The following RIMS2 variants were observed in gnomAD, a reference collection of about 807,000 sequenced individuals.
RIMS2 encodes the protein regulating synaptic membrane exocytosis protein 2.
In RIMS2, 59 loss-of-function variants were observed where a neutral mutation model predicts 174.4. The observed-to-expected ratio is 0.34, with a 90% CI of 0.27 to 0.42. The LOEUF is 0.42. Among genes scored for constraint, RIMS2 ranks in the 10% least tolerant of loss-of-function variants. The pLI is 1.00. For synonymous variants in RIMS2, 606 were observed against 572.5 expected, an observed-to-expected ratio of 1.06 and a Z score of -0.84; for missense variants, 1,620 against 1,666.3, an observed-to-expected ratio of 0.97 and a Z score of 0.48.
chr8:103,816,506 A>G (rs150212964), intron 3 of RIMS2, among the ~76,000 whole-genome samples: 44 of 152,340 alleles, frequency 2.9e-4, no homozygotes, highest in African/African-American at 9.9e-4. Flanking sequence ...TCAAGTAAAT[A>G]TATGGTCACA....
chr8:104,020,638 T>C (rs2096063671), intron 19 of RIMS2, among the ~76,000 whole-genome samples: 1 of 152,040 alleles, frequency 6.6e-6, no homozygotes, highest in Non-Finnish European at 1.5e-5. Context: ...GTGGTCATGT[T>C]ATACATTTAC....
intron 15 of RIMS2, among the ~76,000 whole-genome samples, chr8:103,973,975 A>G (rs2093176816): frequency 6.6e-6 from 1 of 152,166 alleles, no homozygotes; most frequent in Non-Finnish European, 1.5e-5. Context: ...CTGACTCTCC[A>G]CTGGCAGTCT....
At chr8:104,190,734 A>G (rs1189264026) in intron 19 of RIMS2, among the ~76,000 whole-genome samples, 2 of 152,070 alleles carry the variant, frequency 1.3e-5, no homozygotes, top group Admixed American at 6.6e-5. Flanking sequence ...TTGGCAGCCT[A>G]TGAGCATATT....
intron 19 of RIMS2, among the ~76,000 whole-genome samples, chr8:104,062,088 G>A (rs1276408912): frequency 6.6e-6 from 1 of 152,028 alleles, no homozygotes; most frequent in Non-Finnish European, 1.5e-5. Context: ...ACAATTTTTA[G>A]ATATTGAAAG....
At chr8:103,573,307 A>T (rs1344891278) in intron 1 of RIMS2, among the ~76,000 whole-genome samples, 1 of 151,554 alleles carries the variant, frequency 6.6e-6, no homozygotes, top group African/African-American at 2.4e-5. Context: ...CAAGTGATCC[A>T]CCTGTATCAG....
At chr8:104,175,720 G>T (rs1230390880) in intron 19 of RIMS2, among the ~76,000 whole-genome samples, 1 of 152,086 alleles carries the variant, frequency 6.6e-6, no homozygotes, top group Non-Finnish European at 1.5e-5. Context: ...GAAAGAACAA[G>T]TAAAGAAAAG....
At chr8:103,503,337 A>G (rs929364672) in intron 1 of RIMS2, among the ~76,000 whole-genome samples, 10 of 151,932 alleles carry the variant, frequency 6.6e-5, no homozygotes, top group African/African-American at 2.4e-4. Context: ...TGAAATGAAT[A>G]GACTTTATAA....
chr8:103,898,581 C>G (rs745653510), intron 4 of RIMS2, among the ~76,000 whole-genome samples: 2 of 151,320 alleles, frequency 1.3e-5, no homozygotes, highest in Non-Finnish European at 2.9e-5. Context: ...AGAGGGCAGA[C>G]TGTTGAATTA....
chr8:103,989,721 G>A (rs1278568255), intron 17 of RIMS2, among the ~76,000 whole-genome samples: 1 of 152,098 alleles, frequency 6.6e-6, no homozygotes, highest in Non-Finnish European at 1.5e-5. Context: ...TAATTATAGT[G>A]AAACCAAGAT....
At chr8:104,096,325 A>G (rs2097762022) in intron 19 of RIMS2, among the ~76,000 whole-genome samples, 3 of 152,224 alleles carry the variant, frequency 2.0e-5, no homozygotes, top group Admixed American at 2.0e-4. Context: ...GATTCAGAGA[A>G]GACTATAACC....
At chr8:103,717,749 A>G (rs931644174) in intron 2 of RIMS2, among the ~76,000 whole-genome samples, 2 of 152,332 alleles carry the variant, frequency 1.3e-5, no homozygotes, top group South Asian at 2.1e-4. Context: ...GATTTGGGAC[A>G]TTGCAAATAA....
intron 19 of RIMS2, among the ~76,000 whole-genome samples, chr8:104,064,453 T>A (rs1385684675): frequency 6.6e-6 from 1 of 152,050 alleles, no homozygotes; most frequent in Non-Finnish European, 1.5e-5. Flanking sequence ...AGAATAAAGG[T>A]CTTGTGTAAT....
chr8:103,646,198 G>A (rs1344398186), intron 1 of RIMS2, among the ~76,000 whole-genome samples: 2 of 152,088 alleles, frequency 1.3e-5, no homozygotes, highest in African/African-American at 2.4e-5. Flanking sequence ...GCAGGAACTG[G>A]CCATCTGGAT....
In RIMS2 at chr8:103,811,508, G is replaced by C. The variant is rs188778361; in HGVS notation, c.698+44971G>C. ...CACCCAGGCTGGAGTGCAGTGGCGT[G>C]ATCTTGGCTCACTGCAACCTCTGCC... On this transcript the variant is annotated intron_variant, in intron 3 of 23. Transcript: ENST00000504942. Among the ~76,000 whole-genome samples, 158 of 152,232 alleles carry C rather than the reference G, an allele frequency of 1.0e-3. 2 individuals carry two copies. The East Asian group carries it at 0.029, about 28-fold the overall frequency.
intron 1 of RIMS2, among the ~76,000 whole-genome samples, chr8:103,592,260 C>G (rs764557727): frequency 6.6e-6 from 1 of 151,184 alleles, no homozygotes; most frequent in Non-Finnish European, 1.5e-5. Context: ...ATTATAACAA[C>G]CATTATCCTA....
intron 1 of RIMS2, among the ~76,000 whole-genome samples, chr8:103,630,683 C>T (rs531032832): frequency 1.3e-5 from 2 of 150,984 alleles, no homozygotes; most frequent in East Asian, 3.9e-4. Context: ...AACACACACA[C>T]ATATTCCTAG....
At chr8:103,562,657 G>T (rs563468433) in intron 1 of RIMS2, among the ~76,000 whole-genome samples, 1 of 152,264 alleles carries the variant, frequency 6.6e-6, no homozygotes, top group Admixed American at 6.5e-5. Flanking sequence ...CTGGAGGACG[G>T]TGGCCCTCTT....
At chr8:103,966,337 T>C (rs1166097109) in intron 15 of RIMS2, among the ~76,000 whole-genome samples, 1 of 152,168 alleles carries the variant, frequency 6.6e-6, no homozygotes, top group African/African-American at 2.4e-5. Context: ...TATCTGTTTT[T>C]GTTTGAATTT....
chr8:104,009,956 G>T (rs2095703342), intron 17 of RIMS2, among the ~76,000 whole-genome samples: 1 of 151,620 alleles, frequency 6.6e-6, no homozygotes, highest in Non-Finnish European at 1.5e-5. Context: ...CTTTGATCTG[G>T]AGTTGTATCA....
Sources: allele counts gnomAD v4.1 joint callset (sites outside exome capture counted in the v4.1 genomes callset), GRCh38; gene constraint gnomAD v4.1.1; transcripts MANE v1.5; gene names NCBI Gene and HGNC (gene_info 2026-07-23, HGNC 2026-07-21).